Variants in ESRRG observed in about 807,000 individuals in gnomAD.
The protein encoded by ESRRG is estrogen related receptor gamma.
A neutral mutation model predicts 44.0 loss-of-function variants in ESRRG; 13 were observed. That is an observed-to-expected ratio of 0.30 (90% CI 0.19 to 0.47). The LOEUF is 0.47. ESRRG is among the 20% of genes least tolerant of loss of function. ESRRG has a pLI of 1.00. For synonymous variants in ESRRG, 215 were observed against 214.6 expected (o/e 1.00, Z -0.02); for missense variants, 395 against 580.6 (o/e 0.68, Z 3.29).
At chr1:216,891,994 A>C (rs1325936725) in intron 2 of ESRRG, among the ~76,000 whole-genome samples, 1 of 151,800 alleles carries the variant, frequency 6.6e-6, no homozygotes, top group Non-Finnish European at 1.5e-5. Flanking sequence ...TTTAGTAGAG[A>C]CGGAGTTTCA....
At chr1:217,133,544 T>C (rs2092994883) in intron 1 of ESRRG, among the ~76,000 whole-genome samples, 1 of 152,254 alleles carries the variant, frequency 6.6e-6, no homozygotes, top group Non-Finnish European at 1.5e-5. Context: ...CTCTTGAAAG[T>C]CCTGGGCTTT....
At chr1:216,837,160 A>C (rs532264666) in intron 2 of ESRRG, among the ~76,000 whole-genome samples, 1 of 152,052 alleles carries the variant, frequency 6.6e-6, no homozygotes, top group Admixed American at 6.5e-5. Flanking sequence ...CTGTAATCCT[A>C]ACACTTTGGG....
intron 1 of ESRRG, among the ~76,000 whole-genome samples, chr1:216,979,749 G>C (rs978476819): frequency 1.3e-5 from 2 of 152,108 alleles, no homozygotes; most frequent in African/African-American, 2.4e-5. Flanking sequence ...ACTATAATAA[G>C]TGTTTAATAA....
Position 216,872,777 on chromosome 1 carries a change from T to C in ESRRG, c.-14+66805A>G, listed in dbSNP as rs149226031. ...TTTCTCCAAAAGGCTGTTAGAAAAGTCCAACATCTGTATCTTCAAAACATC... is the reference window on the plus strand; with the variant it reads ...TTTCTCCAAAAGGCTGTTAGAAAAGCCCAACATCTGTATCTTCAAAACATC... On this transcript the variant is annotated intron_variant, in intron 2 of 7. Coordinates refer to the ESRRG transcript ENST00000359162. Among the ~76,000 whole-genome samples, 328 of 152,334 alleles carry C rather than the reference T, an allele frequency of 2.2e-3. 1 individual carries two copies. The highest frequency in any genetic ancestry group is 6.5e-3 in the African/African-American group (271 of 41,578).
At chr1:216,555,902 G>A (rs2057439139) in intron 5 of ESRRG, among the ~76,000 whole-genome samples, 1 of 152,060 alleles carries the variant, frequency 6.6e-6, no homozygotes. Context: ...GGCAGATAAA[G>A]GGGGACGCAG....
chr1:216,710,852 G>C (rs1053085354), intron 1 of ESRRG, among the ~76,000 whole-genome samples: 3 of 152,016 alleles, frequency 2.0e-5, no homozygotes, highest in Non-Finnish European at 4.4e-5. Context: ...TAGTACCAGC[G>C]ATAAATCAAA....
chr1:216,523,973 A>G (rs931383332), intron 5 of ESRRG, among the ~76,000 whole-genome samples: 13 of 152,066 alleles, frequency 8.5e-5, no homozygotes, highest in Admixed American at 2.0e-4. Context: ...AATGCAACGT[A>G]AGCTAGATTC....
chr1:216,722,286 GA>G (rs1351060416), intron 1 of ESRRG, among the ~76,000 whole-genome samples: 1 of 152,186 alleles, frequency 6.6e-6, no homozygotes, highest in Non-Finnish European at 1.5e-5. Context: ...AACAGAAAGG[GA>G]GATAAACCAG....
chr1:216,569,237 G>GAAAGGAAAGGAAAGGAAAGAAAAGA (rs1558553143), intron 3 of ESRRG, among the ~76,000 whole-genome samples: 1 of 124,204 alleles, frequency 8.1e-6, no homozygotes, highest in Admixed American at 8.2e-5. Context: ...GAAAGGAAAG[G>GAAAGGAAAGGAAAGGAAAGAAAAGA]AAAGGAAAGG....
chr1:216,592,566 T>C lies in ESRRG; in HGVS notation c.590-24468A>G, dbSNP rs577894426. On this transcript the variant is annotated intron_variant, in intron 3 of 6. Coordinates refer to ENST00000408911, the MANE Select transcript of ESRRG (RefSeq NM_001438.4). The stretch of plus-strand genomic sequence containing the variant: ...CCAAGGCTGGTGTGCAGTGGTACGA[T>C]CTTGGCTCACTGCAACCTCCACCTC... Among the ~76,000 whole-genome samples the C allele has an allele frequency of 5.3e-5, 8 of 152,182 alleles. No homozygotes were observed. The East Asian group carries it at 1.4e-3, about 26-fold the overall frequency.
At chr1:216,741,384 C>T (rs1299724478) in intron 2 of ESRRG, among the ~76,000 whole-genome samples, 1 of 151,100 alleles carries the variant, frequency 6.6e-6, no homozygotes, top group African/African-American at 2.4e-5. Context: ...GTGGACCCCT[C>T]AGGCTAAAAC....
chr1:216,536,178 C>T lies in ESRRG; in HGVS notation c.863-16757G>A, dbSNP rs561995992. Among the ~76,000 whole-genome samples, 17 of 152,220 alleles carry T rather than the reference C, an allele frequency of 1.1e-4. No individual in the cohort carries two copies. The South Asian group carries it at 3.5e-3, about 32-fold the overall frequency. ...GTTCACTTCTTCTCTTCTTCCTCTACCTGCCCATCCATACATATCTATGGA... is the reference window on the plus strand; with the variant it reads ...GTTCACTTCTTCTCTTCTTCCTCTATCTGCCCATCCATACATATCTATGGA... On this transcript the variant is annotated intron_variant, in intron 5 of 6. Transcript: ENST00000408911.
At chr1:216,652,231 G>T (rs2069180704) in intron 2 of ESRRG, among the ~76,000 whole-genome samples, 1 of 152,170 alleles carries the variant, frequency 6.6e-6, no homozygotes, top group South Asian at 2.1e-4. Context: ...CAAGTCCCCT[G>T]AAACATGCGC....
At chr1:216,797,535 C>T (rs1323383389) in intron 2 of ESRRG, among the ~76,000 whole-genome samples, 5 of 152,086 alleles carry the variant, frequency 3.3e-5, no homozygotes, top group African/African-American at 4.8e-5. Context: ...TAGGAAAACA[C>T]AGGTTACGTA....
chr1:217,018,299 G>A (rs974669520), intron 1 of ESRRG, among the ~76,000 whole-genome samples: 3 of 151,882 alleles, frequency 2.0e-5, no homozygotes, highest in African/African-American at 7.3e-5. Flanking sequence ...AGCATAATAG[G>A]AAGACAAACA....
At chr1:216,675,880 C>A (rs1022982012) in intron 2 of ESRRG, among the ~76,000 whole-genome samples, 1 of 152,270 alleles carries the variant, frequency 6.6e-6, no homozygotes, top group African/African-American at 2.4e-5. Context: ...CTTTCAAAAA[C>A]CCCCCTTTCC....
intron 2 of ESRRG, among the ~76,000 whole-genome samples, chr1:216,886,754 C>T (rs1461155612): frequency 6.6e-6 from 1 of 152,124 alleles, no homozygotes; most frequent in Non-Finnish European, 1.5e-5. Context: ...GACAGGTTCT[C>T]ACTCTATCAC....
intron 2 of ESRRG, among the ~76,000 whole-genome samples, chr1:216,784,998 G>A (rs1187949809): frequency 1.3e-5 from 2 of 151,866 alleles, no homozygotes; most frequent in Admixed American, 6.6e-5. Context: ...CCTCCGAGAC[G>A]ATGGTCTGAG....
intron 3 of ESRRG, among the ~76,000 whole-genome samples, chr1:216,618,778 T>A (rs1574206992): frequency 6.6e-6 from 1 of 152,216 alleles, no homozygotes; most frequent in African/African-American, 2.4e-5. Context: ...TTAGGAGTGA[T>A]CACTGTAAAT....
Sources: gnomAD v4.1 joint callset for allele counts (sites outside exome capture counted in the v4.1 genomes callset) on GRCh38, gnomAD v4.1.1 for gene constraint, MANE v1.5 for transcripts, NCBI Gene and HGNC (gene_info 2026-07-23, HGNC 2026-07-21) for gene names.